The following ANKS1B variants were observed in gnomAD, a reference collection of about 807,000 sequenced individuals.
ANKS1B encodes the protein ankyrin repeat and sterile alpha motif domain containing 1B, also known as ankyrin repeat and sterile alpha motif domain-containing protein 1B.
Under a neutral mutation model 148.3 loss-of-function variants are expected in ANKS1B, and 36 were observed. The observed-to-expected ratio is 0.24, with a 90% CI of 0.19 to 0.32. ANKS1B has a LOEUF of 0.32. ANKS1B is among the 10% of genes least tolerant of loss of function. ANKS1B has a pLI of 1.00. For synonymous variants in ANKS1B, 542 were observed against 560.8 expected, an observed-to-expected ratio of 0.97 and a Z score of 0.47; for missense variants, 1,157 against 1,542.6, an observed-to-expected ratio of 0.75 and a Z score of 4.19.
chr12:99,195,480 G>GA (rs910101210), intron 14 of ANKS1B, among the ~76,000 whole-genome samples: 33 of 150,944 alleles, frequency 2.2e-4, no homozygotes, highest in African/African-American at 7.0e-4. Flanking sequence ...ATTGCAATGA[G>GA]AAAAAAAAAT....
intron 17 of ANKS1B, among the ~76,000 whole-genome samples, chr12:98,986,440 G>C (rs1239782794): frequency 6.6e-6 from 1 of 151,800 alleles, no homozygotes; most frequent in Non-Finnish European, 1.5e-5. Flanking sequence ...TTATCTTCAA[G>C]TCCTCTGACA....
At chr12:98,769,140 T>C (rs2098531396) in intron 25 of ANKS1B, among the ~76,000 whole-genome samples, 1 of 150,856 alleles carries the variant, frequency 6.6e-6, no homozygotes, top group South Asian at 2.1e-4. Flanking sequence ...AAATGTGTAT[T>C]TGAGGTATTA....
At chr12:99,515,433 T>C (rs1013556356) in intron 9 of ANKS1B, among the ~76,000 whole-genome samples, 1 of 152,138 alleles carries the variant, frequency 6.6e-6, no homozygotes, top group Non-Finnish European at 1.5e-5. Flanking sequence ...GTGATATTTG[T>C]CTTTCCATGC....
chr12:99,967,546 G>A (rs1263566564), intron 1 of ANKS1B, among the ~76,000 whole-genome samples: 1 of 151,862 alleles, frequency 6.6e-6, no homozygotes, highest in African/African-American at 2.4e-5. Context: ...AGCCTCCCAA[G>A]TCACAGGGAT....
At chr12:99,666,921 CTT>C (rs1271145699) in intron 8 of ANKS1B, among the ~76,000 whole-genome samples, 6 of 151,200 alleles carry the variant, frequency 4.0e-5, no homozygotes, top group Non-Finnish European at 8.8e-5. Flanking sequence ...AATCAACTCT[CTT>C]AGCAAATTTC....
intron 9 of ANKS1B, among the ~76,000 whole-genome samples, chr12:99,509,690 A>C (rs144579973): frequency 2.6e-5 from 4 of 152,170 alleles, no homozygotes; most frequent in African/African-American, 9.6e-5. Context: ...ATGCTAATGG[A>C]GAAGCTGCAA....
At chr12:99,851,257 A>C (rs1178663657) in intron 1 of ANKS1B, among the ~76,000 whole-genome samples, 1 of 152,132 alleles carries the variant, frequency 6.6e-6, no homozygotes, top group East Asian at 1.9e-4. Context: ...TCCTAACCAG[A>C]ACATGTTCAG....
intron 17 of ANKS1B, chr12:98,954,436 A>C (rs2153092793): frequency 6.6e-6 from 1 of 152,354 alleles, no homozygotes; most frequent in South Asian, 2.1e-4. Context: ...CCAATGAGAT[A>C]CTGTTAAGAA....
Position 98,789,064 on chromosome 12 carries a change from C to T in ANKS1B, c.3343-6927G>A, listed in dbSNP as rs1021495273. 5.3e-5 allele frequency among the ~76,000 whole-genome samples: 8 copies of T among 152,116 alleles called. No individual in the cohort carries two copies. In the South Asian group the frequency reaches 6.2e-4, roughly 12 times the overall value. ...AGTTGTACCCAGAATAGATGTTGGC[C>T]GGGTGTAGTGGCTCATGCCTATAAT... On this transcript the variant is annotated intron_variant, in intron 22 of 26. Transcript: ENST00000683438.
intron 14 of ANKS1B, among the ~76,000 whole-genome samples, chr12:99,187,134 G>A (rs1315494607): frequency 6.6e-6 from 1 of 151,850 alleles, no homozygotes; most frequent in Non-Finnish European, 1.5e-5. Context: ...GACAAGATTA[G>A]AGAACAAATA....
At chr12:99,521,234 TTTAA>T (rs1157994182) in intron 9 of ANKS1B, among the ~76,000 whole-genome samples, 2 of 152,248 alleles carry the variant, frequency 1.3e-5, no homozygotes, top group Non-Finnish European at 2.9e-5. Flanking sequence ...CTTGATTCTT[TTTAA>T]TTATTTCATT....
At chr12:98,847,316 G>A (rs1035285357) in intron 17 of ANKS1B, among the ~76,000 whole-genome samples, 16 of 152,180 alleles carry the variant, frequency 1.1e-4, no homozygotes, top group South Asian at 2.1e-4. Flanking sequence ...CTGCTTTTAC[G>A]GGTTTAGCTA....
chr12:99,682,256 T>C (rs1329266162), intron 8 of ANKS1B, among the ~76,000 whole-genome samples: 1 of 152,182 alleles, frequency 6.6e-6, no homozygotes, highest in East Asian at 1.9e-4. Context: ...CTATAATAAA[T>C]GGACTTAACA....
chr12:99,420,597 T>TA (rs768059116), intron 11 of ANKS1B, among the ~76,000 whole-genome samples: 10 of 152,320 alleles, frequency 6.6e-5, no homozygotes, highest in East Asian at 5.8e-4. Flanking sequence ...AAAACAGTTA[T>TA]AAAAATGCCC....
chr12:99,022,117 A>G (rs1362863384), intron 17 of ANKS1B, among the ~76,000 whole-genome samples: 1 of 152,220 alleles, frequency 6.6e-6, no homozygotes, highest in Admixed American at 6.5e-5. Flanking sequence ...TCTTCTTCCC[A>G]GGCACACAGT....
chr12:99,457,363 T>C (rs11109851), intron 10 of ANKS1B, among the ~76,000 whole-genome samples: 5,820 of 150,078 alleles, frequency 0.039, 394 homozygotes, highest in African/African-American at 0.14. Context: ...AACAACACTA[T>C]GAAAAAAAAA....
intron 11 of ANKS1B, among the ~76,000 whole-genome samples, chr12:99,440,803 A>C (rs941409140): frequency 2.6e-5 from 4 of 151,872 alleles, no homozygotes; most frequent in African/African-American, 9.7e-5. Context: ...TTACAGGTAG[A>C]GTTACAAGAA....
At chr12:98,914,721 C>A (rs551457591) in intron 17 of ANKS1B, among the ~76,000 whole-genome samples, 1 of 152,174 alleles carries the variant, frequency 6.6e-6, no homozygotes, top group East Asian at 1.9e-4. Context: ...TGGAATACCC[C>A]CACCCTTCCC....
In ANKS1B at chr12:98,931,326, A is replaced by G. The variant is rs192672158; in HGVS notation, c.2779-99190T>C. On this transcript the variant is annotated intron_variant, in intron 17 of 26. Transcript: ENST00000683438. The stretch of plus-strand genomic sequence containing the variant: ...GCCTTCTGATCACTGGCCAGAGGGG[A>G]AAAATTGTTTTTTATGACCTGAAAA... 1.3e-3 allele frequency among the ~76,000 whole-genome samples: 201 copies of G among 152,302 alleles called. 1 individual carries two copies. Among genetic ancestry groups the G allele is most frequent in the African/African-American group, 4.4e-3 (184 of 41,566 alleles).
Sources: gnomAD v4.1 joint callset for allele counts (sites outside exome capture counted in the v4.1 genomes callset) on GRCh38, gnomAD v4.1.1 for gene constraint, MANE v1.5 for transcripts, NCBI Gene and HGNC (gene_info 2026-07-23, HGNC 2026-07-21) for gene names.